The following TET2 variants were observed in gnomAD, a reference collection of about 807,000 sequenced individuals.
The protein encoded by TET2 is methylcytosine dioxygenase TET2.
A neutral mutation model predicts 142.9 loss-of-function variants in TET2; 299 were observed. The ratio of observed to expected loss-of-function variants is 2.09; its 90% confidence interval spans 1.90 to 2.30. The LOEUF (loss-of-function observed/expected upper bound fraction) is 2.30. Among genes scored for constraint, TET2 ranks in the 30% most tolerant of loss-of-function variants. The pLI, the probability that TET2 is intolerant of heterozygous loss-of-function variation, is 0.00. For missense variants in TET2, 2,418 were observed against 2,378.0 expected (o/e 1.02, Z -0.35); for synonymous variants, 819 against 849.0 (o/e 0.96, Z 0.61).
intron 6 of TET2, among the ~76,000 whole-genome samples, chr4:105,246,959 C>G (rs1729612513): frequency 6.6e-5 from 10 of 152,158 alleles, no homozygotes. Context: ...CTAAGTCTAA[C>G]CAGTATTTTT....
chr4:105,223,085 T>C (rs548847782), intron 2 of TET2, among the ~76,000 whole-genome samples: 1 of 152,322 alleles, frequency 6.6e-6, no homozygotes, highest in South Asian at 2.1e-4. Context: ...ATCTCTGTTT[T>C]GGTACCAGCA....
At chr4:105,163,854 A>ATTT (rs377256181) in intron 1 of TET2, among the ~76,000 whole-genome samples, 2 of 85,168 alleles carry the variant, frequency 2.3e-5, no homozygotes, top group Non-Finnish European at 4.8e-5. Context: ...AGAGAGAGAG[A>ATTT]GTGTGTGTGT....
intron 1 of TET2, among the ~76,000 whole-genome samples, chr4:105,160,974 C>T (rs1723826538): frequency 6.6e-6 from 1 of 152,152 alleles, no homozygotes; most frequent in African/African-American, 2.4e-5. Flanking sequence ...CGGGGTTTTA[C>T]CATCTTGGTC....
At chr4:105,238,733 A>G (rs1010457190) in intron 3 of TET2, 1 of 240,726 alleles carries the variant, frequency 4.2e-6, no homozygotes, top group African/African-American at 2.2e-5. Flanking sequence ...GAGGGTTGGA[A>G]TCAACTTCTA....
upstream of TET2, chr4:105,146,688 A>G (rs1330209026): frequency 6.6e-6 from 1 of 152,144 alleles, no homozygotes; most frequent in Non-Finnish European, 1.5e-5. Flanking sequence ...CGGTAGCGGC[A>G]GTGGCAGCGG....
chr4:105,204,705 T>C lies in TET2; in HGVS notation c.-47+14200T>C, dbSNP rs1726713572. Among the ~76,000 whole-genome samples the C allele has an allele frequency of 2.0e-5, 3 of 152,198 alleles. No homozygotes were observed. In the East Asian group the frequency reaches 5.8e-4, roughly 29 times the overall value. On this transcript the variant is annotated intron_variant, in intron 2 of 10. Transcript: ENST00000380013. Reference sequence around the variant, plus strand: ...CTCTTGAGATGACTTTAGCAGTATATATTTCCCTGGAACACCATGCACTCT... The same window carrying C: ...CTCTTGAGATGACTTTAGCAGTATACATTTCCCTGGAACACCATGCACTCT...
Position 105,236,022 on chromosome 4 carries a change from C to G in TET2, c.2080C>G (p.Leu694Val). ...QQRADSQTEK[L>V]MSPVLKQHLN... ...AAGAGCAGATTCCCAAACTGAAAAACTTATGTCCCCAGTGTTGAAACAGCA... is the reference window on the plus strand; with the variant it reads ...AAGAGCAGATTCCCAAACTGAAAAAGTTATGTCCCCAGTGTTGAAACAGCA... Residue 694 changes from leucine to valine, a missense_variant, in exon 3 of 11, where the codon CTT (leucine) becomes GTT (valine). Leu to Val is a conservative substitution (Grantham distance 32). Transcript: ENST00000380013. The G allele has an allele frequency of 1.9e-6, 3 of 1,614,136 alleles. No individual in the cohort carries two copies. Among genetic ancestry groups the G allele is most frequent in the Non-Finnish European group, 2.5e-6 (3 of 1,180,018 alleles).
At chr4:105,244,586 GTTTTTTTTTTTT>G (rs566674796) in intron 6 of TET2, among the ~76,000 whole-genome samples, 7 of 66,734 alleles carry the variant, frequency 1.0e-4, no homozygotes, top group African/African-American at 2.1e-4. Context: ...ACACAGAAAT[GTTTTTTTTTTTT>G]TTTTTTTTTT....
chr4:105,263,756 AG>A (rs1170318147), intron 8 of TET2, among the ~76,000 whole-genome samples: 1 of 152,164 alleles, frequency 6.6e-6, no homozygotes, highest in African/African-American at 2.4e-5. Context: ...AAGAGGACAA[AG>A]GGCTGATGAT....
At chr4:105,149,317 G>A (rs947566400) in intron 1 of TET2, among the ~76,000 whole-genome samples, 1 of 152,070 alleles carries the variant, frequency 6.6e-6, no homozygotes, top group African/African-American at 2.4e-5. Context: ...ATGAAGGCTT[G>A]TTTTTTCCTG....
chr4:105,236,369 AC>A lies in TET2; in HGVS notation c.2428del (p.Gln810ArgfsTer3). ...ATGTCCAAATGGGACTGGAGGAAGT[AC>A]AGAATATAAATCGTAGAAATTCCCC... ...HNVQMGLEEVQNINRRNSPYS... is the reference protein window; with the variant it reads ...HNVQMGLEEVXNINRRNSPYS... On this transcript the variant is annotated frameshift_variant, in exon 3 of 11. Coordinates refer to ENST00000380013, the MANE Select transcript of TET2 (RefSeq NM_001127208.3). LOFTEE classifies it high-confidence loss of function. 6.2e-7 allele frequency: 1 copy of A among 1,614,038 alleles called. No homozygotes were observed. Among genetic ancestry groups the A allele is most frequent in the Non-Finnish European group, 8.5e-7 (1 of 1,180,006 alleles).
Position 105,276,845 on chromosome 4 carries a change from C to CCCCCCT in TET2, c.*330_*331insCTCCCC. ...GATGATATGTAAATGTGATCCCCCC[C>CCCCCCT]CCCCGCTTACAACTCTACACATCTG... On this transcript the variant is annotated 3_prime_UTR_variant, in exon 11 of 11. Transcript: ENST00000380013. 1 of 213,034 alleles carries CCCCCCT rather than the reference C, an allele frequency of 4.7e-6. No individual in the cohort carries two copies. The highest frequency in any genetic ancestry group is 9.3e-6 in the Non-Finnish European group (1 of 107,742). 13.2% of individuals were successfully genotyped at this position (213,034 alleles called of 1,614,324 possible). A position where few individuals can be genotyped will look rare whatever the true frequency, so the allele number is the denominator to read the frequency against.
At chr4:105,262,011 T>C (rs938702911) in intron 8 of TET2, among the ~76,000 whole-genome samples, 163 bp downstream of exon 8, 2 of 152,174 alleles carry the variant, frequency 1.3e-5, no homozygotes, top group Non-Finnish European at 2.9e-5. Flanking sequence ...ATAAAAATTA[T>C]ACCATACAAA....
At chr4:105,158,722 C>T (rs1390849582) in intron 1 of TET2, among the ~76,000 whole-genome samples, 1 of 151,816 alleles carries the variant, frequency 6.6e-6, no homozygotes, top group Non-Finnish European at 1.5e-5. Context: ...AATTGTAAAA[C>T]TGATCCTAAA....
At position 105,277,373 on chromosome 4, in the gene TET2, GCA is replaced by G. The variant is rs1164662078; in HGVS notation, c.*861_*862del. On this transcript the variant is annotated 3_prime_UTR_variant, in exon 11 of 11. Coordinates refer to ENST00000380013, the MANE Select transcript of TET2 (RefSeq NM_001127208.3). ...CATATATACACAAACATGTATATGT[GCA>G]CACACATGTATATGTATAAATATTT... 4.5e-6 allele frequency: 1 copy of G among 224,482 alleles called. No individual in the cohort carries two copies. Among genetic ancestry groups the G allele is most frequent in the African/African-American group, 2.2e-5 (1 of 44,882 alleles). The allele number at this position is 224,482 out of a possible 1,614,324, so 13.9% of individuals were successfully genotyped here. A position where few individuals can be genotyped will look rare whatever the true frequency, so the allele number is the denominator to read the frequency against.
At position 105,237,849 on chromosome 4, in the gene TET2, A is replaced by G. The variant is rs573271926; in HGVS notation, c.3409+498A>G. On this transcript the variant is annotated intron_variant, in intron 3 of 10. Coordinates refer to ENST00000380013, the MANE Select transcript of TET2 (RefSeq NM_001127208.3). ...CAGTCTTCATGAGTTGGGGGAAATG[A>G]TAATGCTGACACTCTTAGTGCTCCT... The G allele has an allele frequency of 7.4e-6, 8 of 1,086,098 alleles. No individual in the cohort carries two copies. The East Asian group carries it at 4.5e-4, about 61-fold the overall frequency. 67.3% of individuals were successfully genotyped at this position (1,086,098 alleles called of 1,614,324 possible).
At chr4:105,184,792 T>G (rs1725329707) in intron 1 of TET2, among the ~76,000 whole-genome samples, 1 of 152,120 alleles carries the variant, frequency 6.6e-6, no homozygotes, top group African/African-American at 2.4e-5. Flanking sequence ...TTTGTGGGCA[T>G]ATCCTGCTGA....
rs1383015342 is a variant in TET2 at position 105,275,128 on chromosome 4, C to G, written c.4618C>G (p.Gln1540Glu). 1 of 1,551,390 alleles carries G rather than the reference C, an allele frequency of 6.4e-7. No homozygotes were observed. Among genetic ancestry groups the G allele is most frequent in the Non-Finnish European group, 8.7e-7 (1 of 1,146,734 alleles). Reference sequence around the variant, plus strand: ...ACAGAAGCAGCCACCACAGCCCCAGCAGCAGCAGAGACCCCAGCAGCAGCA... The same window carrying G: ...ACAGAAGCAGCCACCACAGCCCCAGGAGCAGCAGAGACCCCAGCAGCAGCA... ...PLQKQPPQPQ[Q>E]QQRPQQQQPH... Residue 1540 changes from glutamine to glutamate, a missense_variant, in exon 11 of 11, where the codon CAG (glutamine) becomes GAG (glutamate). Coordinates refer to ENST00000380013, the MANE Select transcript of TET2 (RefSeq NM_001127208.3).
intron 8 of TET2, 51 bp from the exon 9 acceptor site, chr4:105,269,559 G>T (rs1560569271): frequency 1.3e-6 from 2 of 1,539,054 alleles, no homozygotes; most frequent in Admixed American, 3.9e-5. Context: ...AGTTTTCGGT[G>T]TAAGAGTAAA....
Sources: gnomAD v4.1 joint callset for allele counts (sites outside exome capture counted in the v4.1 genomes callset) on GRCh38, gnomAD v4.1.1 for gene constraint, MANE v1.5 for transcripts, NCBI Gene and HGNC (gene_info 2026-07-23, HGNC 2026-07-21) for gene names.